The following CD48 variants were observed in gnomAD, a reference collection of about 807,000 sequenced individuals.
The protein encoded by CD48 is CD48 molecule.
In CD48, 20 loss-of-function variants were observed where a neutral mutation model predicts 22.0. The ratio of observed to expected loss-of-function variants is 0.91; its 90% confidence interval spans 0.64 to 1.32. The LOEUF (loss-of-function observed/expected upper bound fraction) is 1.32, where lower values mean the gene tolerates loss of function less well. Among genes scored for constraint, CD48 ranks in the 40% most tolerant of loss-of-function variants. CD48 has a pLI of 0.00. For missense variants in CD48, 307 were observed against 286.5 expected (o/e 1.07, Z -0.52); for synonymous variants, 110 against 110.1 (o/e 1.00, Z 0.01).
chr1:160,691,085 C>G (rs11265465), intron 1 of CD48, among the ~76,000 whole-genome samples: 44,930 of 151,956 alleles, frequency 0.3, 7,337 homozygotes, highest in Non-Finnish European at 0.38. Context: ...ACTGCGGAAG[C>G]CTGCAGGGGC....
chr1:160,681,508 C>A (rs1312487841), intron 2 of CD48, 40 bp from the exon 3 acceptor site: 6 of 1,599,634 alleles, frequency 3.8e-6, no homozygotes, highest in Non-Finnish European at 5.1e-6. Context: ...GACAGTGAGG[C>A]ATTCATGCTG....
At position 160,711,782 on chromosome 1, in the gene CD48, C is replaced by G; in HGVS notation, c.-19G>C. The G allele has an allele frequency of 6.2e-7, 1 of 1,601,676 alleles. No individual in the cohort carries two copies. Among genetic ancestry groups the G allele is most frequent in the Non-Finnish European group, 8.6e-7 (1 of 1,169,072 alleles). On this transcript the variant is annotated 5_prime_UTR_variant, in exon 1 of 4. Coordinates refer to ENST00000368046, the MANE Select transcript of CD48 (RefSeq NM_001778.4). ...AGCACATGCTTCCTTCCAGAACTTC[C>G]CAGCAACGCAGGAGACAGTTGAGAG...
chr1:160,695,161 A>C (rs1216697971), intron 1 of CD48, among the ~76,000 whole-genome samples: 1 of 152,238 alleles, frequency 6.6e-6, no homozygotes, highest in African/African-American at 2.4e-5. Context: ...ACCAGCCATA[A>C]ATAATAAAGA....
chr1:160,685,016 T>G lies in CD48; in HGVS notation c.256A>C (p.Arg86=). The change falls in exon 2 of 4, where the codon AGA becomes CGA. Residue 86 remains arginine, a synonymous_variant. Coordinates refer to ENST00000368046, the MANE Select transcript of CD48 (RefSeq NM_001778.4). ...AGTGCGCCACTCTGAGGATCAAGTC[T>G]GACCCTGCCTTTAAATTTGGATTCA... ...YFESKFKGRV[R]LDPQSGALYI... The G allele has an allele frequency of 6.2e-7, 1 of 1,614,264 alleles. No individual in the cohort carries two copies. The highest frequency in any genetic ancestry group is 8.5e-7 in the Non-Finnish European group (1 of 1,180,048).
chr1:160,710,482 T>C (rs1172003072), intron 1 of CD48, among the ~76,000 whole-genome samples: 1 of 152,182 alleles, frequency 6.6e-6, no homozygotes, highest in African/African-American at 2.4e-5. Context: ...GGTCTGATTG[T>C]TTCAAAGAAG....
intron 1 of CD48, among the ~76,000 whole-genome samples, chr1:160,689,848 T>A (rs1179218569): frequency 6.6e-6 from 1 of 152,196 alleles, no homozygotes; most frequent in Admixed American, 6.5e-5. Context: ...TACGTTATAA[T>A]TGTGCCAGGT....
At chr1:160,681,062 A>C in intron 3 of CD48, 140 bp downstream of exon 3, 1 of 1,517,850 alleles carries the variant, frequency 6.6e-7, no homozygotes, top group Non-Finnish European at 8.9e-7. Context: ...GGCAGAACCC[A>C]CGTCTCCCAG....
intron 1 of CD48, among the ~76,000 whole-genome samples, chr1:160,692,558 C>T (rs1662261242): frequency 1.3e-5 from 2 of 152,120 alleles, no homozygotes; most frequent in Admixed American, 6.5e-5. Flanking sequence ...CGGCCACCCC[C>T]AGAAAGTCAG....
intron 1 of CD48, among the ~76,000 whole-genome samples, chr1:160,701,694 A>G (rs1571069599): frequency 1.3e-5 from 2 of 152,164 alleles, no homozygotes; most frequent in Non-Finnish European, 2.9e-5. Flanking sequence ...GTGAATTGGC[A>G]TGATATAGGG....
intron 2 of CD48, chr1:160,684,526 CT>C: frequency 1.8e-6 from 1 of 544,148 alleles, no homozygotes; most frequent in Non-Finnish European, 3.2e-6. Context: ...AATACATTCT[CT>C]TTTTTCTTAA....
At chr1:160,701,494 A>T (rs1455505561) in intron 1 of CD48, among the ~76,000 whole-genome samples, 2 of 151,996 alleles carry the variant, frequency 1.3e-5, no homozygotes, top group East Asian at 3.9e-4. Context: ...GAGGTATGGC[A>T]GTGGCTGCCA....
chr1:160,679,427 C>T (rs537949696), intron 3 of CD48, among the ~76,000 whole-genome samples: 11 of 152,258 alleles, frequency 7.2e-5, no homozygotes, highest in African/African-American at 2.2e-4. Context: ...TGGACATCAA[C>T]GAGGTAGGGT....
chr1:160,702,731 G>A (rs1289363456), intron 1 of CD48, among the ~76,000 whole-genome samples: 1 of 152,114 alleles, frequency 6.6e-6, no homozygotes, highest in Non-Finnish European at 1.5e-5. Context: ...TTCATGGCCG[G>A]TGCCCACAGA....
chr1:160,694,990 G>T (rs907847194), intron 1 of CD48, among the ~76,000 whole-genome samples: 4 of 152,196 alleles, frequency 2.6e-5, no homozygotes, highest in Non-Finnish European at 4.4e-5. Context: ...TGACTTAAGG[G>T]CTGTAAATGC....
At chr1:160,706,673 T>G (rs901395162) in intron 1 of CD48, among the ~76,000 whole-genome samples, 10 of 152,186 alleles carry the variant, frequency 6.6e-5, no homozygotes, top group Non-Finnish European at 1.3e-4. Context: ...AGTAACAAAG[T>G]TGGATCTTAT....
chr1:160,693,861 C>A (rs981075273), intron 1 of CD48, among the ~76,000 whole-genome samples: 2 of 152,286 alleles, frequency 1.3e-5, no homozygotes, highest in Non-Finnish European at 2.9e-5. Flanking sequence ...TTTTCAGGGA[C>A]AACAACCCCC....
rs185850376 is a variant in CD48, at chr1:160,705,559, C to T, written c.82+6123G>A. Among the ~76,000 whole-genome samples the T allele has an allele frequency of 1.4e-4, 22 of 152,310 alleles. No homozygotes were observed. The South Asian group carries it at 2.3e-3, about 16-fold the overall frequency. ...CATCGCACAACCACAACATGCCTGG[C>T]GCTGTGCTAGACTCTGCTGTCAGCA... On this transcript the variant is annotated intron_variant, in intron 1 of 3. Transcript: ENST00000368046.
chr1:160,697,756 A>G (rs549025179), intron 1 of CD48, among the ~76,000 whole-genome samples: 128 of 152,262 alleles, frequency 8.4e-4, no homozygotes, highest in Middle Eastern at 6.8e-3. Flanking sequence ...TGGTGATATT[A>G]CAAAACAATG....
At chr1:160,680,008 A>G (rs1661735880) in intron 3 of CD48, among the ~76,000 whole-genome samples, 1 of 152,212 alleles carries the variant, frequency 6.6e-6, no homozygotes, top group Non-Finnish European at 1.5e-5. Context: ...TTAGTTAGGA[A>G]GAATAAGGAA....
Sources: gnomAD v4.1 joint callset for allele counts (sites outside exome capture counted in the v4.1 genomes callset) on GRCh38, gnomAD v4.1.1 for gene constraint, MANE v1.5 for transcripts, NCBI Gene and HGNC (gene_info 2026-07-23, HGNC 2026-07-21) for gene names.